MYBBP1A: variants seen among roughly 807,000 people sequenced by gnomAD.
MYBBP1A encodes myb-binding protein 1A.
Under a neutral mutation model 136.3 loss-of-function variants are expected in MYBBP1A, and 147 were observed. The observed-to-expected ratio is 1.08, with a 90% CI of 0.94 to 1.24. The LOEUF (loss-of-function observed/expected upper bound fraction) is 1.24, where lower values mean the gene tolerates loss of function less well. Ranked by LOEUF, MYBBP1A falls within the 50% of genes most tolerant of loss-of-function variation. The pLI is 0.00. For missense variants in MYBBP1A, 2,060 were observed against 1,727.4 expected (o/e 1.19, Z -3.41); for synonymous variants, 947 against 735.8 (o/e 1.29, Z -4.65).
In MYBBP1A at chr17:4,545,680, T is replaced by G. The variant is rs1344636313; in HGVS notation, c.2003A>C (p.Gln668Pro). ...LLAQPSHLMRQVARSVFGHIC... is the reference protein window; with the variant it reads ...LLAQPSHLMRPVARSVFGHIC... ...GTGGCCAAACACGCTCCGGGCCACC[T>G]GGCGCATGAGGTGGCTGGGCTGGGC... Residue 668 changes from glutamine (Q) to proline (P), a missense_variant, in exon 15 of 26, where the codon CAG (glutamine) becomes CCG (proline). Gln to Pro is a moderately conservative substitution (Grantham distance 76, BLOSUM62 -1). Coordinates refer to ENST00000254718, the MANE Select transcript of MYBBP1A (RefSeq NM_014520.4). 1.2e-6 allele frequency: 2 copies of G among 1,611,410 alleles called. No individual in the cohort carries two copies. The highest frequency in any genetic ancestry group is 1.7e-6 in the Non-Finnish European group (2 of 1,178,452).
In MYBBP1A at chr17:4,555,205, C is replaced by T. The variant is rs1466613156; in HGVS notation, c.120G>A (p.Trp40Ter). ...KHSREFLDFF[W>*]DIAKPEQETR... ...TCTCCTGCTCAGGCTTCGCAATGTC[C>T]CAGAAGAAGTCCAAGAACTCGCGAC... Residue 40 changes from tryptophan (W) to a stop codon, truncating the protein, a stop_gained, in exon 1 of 26, where the codon TGG becomes TGA. Coordinates refer to ENST00000254718, the MANE Select transcript of MYBBP1A (RefSeq NM_014520.4). LOFTEE classifies it high-confidence loss of function. 3 of 1,610,954 alleles carry T rather than the reference C, an allele frequency of 1.9e-6. No homozygotes were observed. The highest frequency in any genetic ancestry group is 1.7e-5 in the Admixed American group (1 of 59,670).
chr17:4,539,441 G>T lies in MYBBP1A; in HGVS notation c.3961C>A (p.Gln1321Lys). The part of the protein sequence containing the change: ...LLQSGAKKKA[Q>K]VRKAGKP ...CAGGGCTTCCCTGCCTTCCTCACCT[G>T]TGCTTTCTTCTTGGCCCCACTCTGA... Residue 1321 changes from glutamine to lysine, a missense_variant, in exon 26 of 26, where the codon CAG becomes AAG. Gln to Lys is a moderately conservative substitution (Grantham distance 53). Transcript: ENST00000254718. 1 of 1,613,714 alleles carries T rather than the reference G, an allele frequency of 6.2e-7. No individual in the cohort carries two copies.
chr17:4,544,586 G>C lies in MYBBP1A; in HGVS notation c.2542C>G (p.Leu848Val). 6.3e-7 allele frequency: 1 copy of C among 1,579,706 alleles called. No individual in the cohort carries two copies. The highest frequency in any genetic ancestry group is 1.3e-5 in the African/African-American group (1 of 74,142). The change falls in exon 19 of 26, where the codon CTG (leucine) becomes GTG (valine). Residue 848 changes from leucine (L) to valine (V), a missense_variant. Transcript: ENST00000254718. Reference sequence around the variant, plus strand: ...ATGATGCTCAGCAGCGGCTCCAGCAGCTCCAGGACCAGGGCATTCTCGGGC... The same window carrying C: ...ATGATGCTCAGCAGCGGCTCCAGCACCTCCAGGACCAGGGCATTCTCGGGC... ...KQPENALVLE[L>V]LEPLLSIIRR... is the part of the protein sequence containing the mutation.
rs147849966 is a variant in MYBBP1A at position 4,540,382 on chromosome 17, G to T, written c.3400C>A (p.Leu1134Ile). The change falls in exon 25 of 26, where the codon CTC (leucine) becomes ATC (isoleucine). Residue 1134 changes from leucine (L) to isoleucine (I), a missense_variant. By Grantham distance (5) the Leu-to-Ile change is conservative. Coordinates refer to ENST00000254718, the MANE Select transcript of MYBBP1A (RefSeq NM_014520.4). ...AGGGTTTTCATGGCCTGCCAGTAGA[G>T]GTCGTGCAGGCGGCTGGAGCCGGTG... ...HSTGSSRLHD[L>I]YWQAMKTLGV... is the part of the protein sequence containing the mutation. 2.0e-5 allele frequency: 32 copies of T among 1,609,772 alleles called. No homozygotes were observed. The African/African-American group carries it at 3.6e-4, about 18-fold the overall frequency.
intron 5 of MYBBP1A, among the ~76,000 whole-genome samples, chr17:4,553,144 CT>C (rs988975264): frequency 1.3e-5 from 2 of 152,130 alleles, no homozygotes; most frequent in Non-Finnish European, 2.9e-5. Flanking sequence ...TTAATTATTC[CT>C]TTTTTTGGTA....
chr17:4,548,362 C>T lies in MYBBP1A; in HGVS notation c.1557-52G>A, dbSNP rs751227508. The stretch of plus-strand genomic sequence containing the variant: ...AGCAGACCAGATGAGTCAATGTAGC[C>T]GCCTCCCTCCGCCCTCCCCAGGGCT... On this transcript the variant is annotated intron_variant, in intron 11 of 25. Coordinates refer to ENST00000254718, the MANE Select transcript of MYBBP1A (RefSeq NM_014520.4). The surrounding 1 kb of genome is among the most constrained non-coding windows in gnomAD (Gnocchi z 4.2). 18 of 1,602,998 alleles carry T rather than the reference C, an allele frequency of 1.1e-5. No homozygotes were observed. Among genetic ancestry groups the T allele is most frequent in the Middle Eastern group, 3.4e-4 (2 of 5,964 alleles).
chr17:4,547,861 C>T, intron 13 of MYBBP1A, 97 bp downstream of exon 13: 1 of 1,106,684 alleles, frequency 9.0e-7, no homozygotes, highest in Non-Finnish European at 1.2e-6. Context: ...CAGAACCTTT[C>T]CTGGAAACCC....
rs1249368743 is a variant in MYBBP1A at position 4,544,802 on chromosome 17, C to T, written c.2430G>A (p.Glu810=). 1.9e-6 allele frequency: 3 copies of T among 1,600,508 alleles called. No homozygotes were observed. The Admixed American group carries it at 5.1e-5, about 27-fold the overall frequency. The change falls in exon 18 of 26, where the codon GAG becomes GAA. Residue 810 remains glutamate, a synonymous_variant. Coordinates refer to ENST00000254718, the MANE Select transcript of MYBBP1A (RefSeq NM_014520.4). ...QKLRIQARRD[E]KNKLQKEKAL... ...CCTTCTCCTTCTGCAGCTTGTTCTT[C>T]TCGTCTCGCCGGGCCTGGATACGCA...
chr17:4,552,298 G>C lies in MYBBP1A; in HGVS notation c.738-6C>G. 1 of 1,613,846 alleles carries C rather than the reference G, an allele frequency of 6.2e-7. No individual in the cohort carries two copies. The highest frequency in any genetic ancestry group is 1.1e-5 in the South Asian group (1 of 91,086). Reference sequence around the variant, plus strand: ...TCTTCAGCACATTCACCAGCCTGCGGAGGGCAAGGGACTCAGGGAACACTT... The same window carrying C: ...TCTTCAGCACATTCACCAGCCTGCGCAGGGCAAGGGACTCAGGGAACACTT... On this transcript the variant is annotated splice_polypyrimidine_tract_variant and splice_region_variant and intron_variant, in intron 6 of 25. Transcript: ENST00000254718. This position sits in a 1 kb window ranked among gnomAD's most constrained non-coding sequence, Gnocchi z 4.7.
chr17:4,539,518 A>C lies in MYBBP1A; in HGVS notation c.3884T>G (p.Leu1295Arg). The C allele has an allele frequency of 6.2e-7, 1 of 1,614,070 alleles. No individual in the cohort carries two copies. The highest frequency in any genetic ancestry group is 8.5e-7 in the Non-Finnish European group (1 of 1,180,006). The part of the protein sequence containing the change: ...GVLGKSPLSA[L>R]ARKKARLSLV... Reference sequence around the variant, plus strand: ...AGACAGCCTTGCCTTTTTCCGTGCCAGCGCGGACAGTGGTGATTTGCCCAA... The same window carrying C: ...AGACAGCCTTGCCTTTTTCCGTGCCCGCGCGGACAGTGGTGATTTGCCCAA... The change falls in exon 26 of 26, where the codon CTG (leucine) becomes CGG (arginine). Residue 1295 changes from leucine (L) to arginine (R), a missense_variant. Transcript: ENST00000254718.
rs772538419 is a variant in MYBBP1A at position 4,548,088 on chromosome 17, T to C, written c.1725-31A>G. On this transcript the variant is annotated intron_variant, in intron 12 of 25. Transcript: ENST00000254718. The surrounding 1 kb of genome is among the most constrained non-coding windows in gnomAD (Gnocchi z 4.2). ...GGGAGACAGGCGATTCCCAGGCCCC[T>C]GCACCAGTCAGACTGCAGCGTCCTG... 1.9e-6 allele frequency: 3 copies of C among 1,600,332 alleles called. No individual in the cohort carries two copies. The highest frequency in any genetic ancestry group is 1.7e-5 in the Admixed American group (1 of 59,678).
chr17:4,543,680 C>T (rs1015193736), intron 19 of MYBBP1A, among the ~76,000 whole-genome samples: 4 of 152,034 alleles, frequency 2.6e-5, no homozygotes, highest in Non-Finnish European at 4.4e-5. Flanking sequence ...ACTCCCCACC[C>T]CTCCTGACTA....
In MYBBP1A at chr17:4,539,068, TG is replaced by T; in HGVS notation, c.*346del. On this transcript the variant is annotated 3_prime_UTR_variant, in exon 26 of 26. Transcript: ENST00000254718. The stretch of plus-strand genomic sequence containing the variant: ...GTGGCTCCCTCACAGCAAAAAAGCC[TG>T]GGGGCAAAGAGGTGGCAGGCACGAG... The T allele has an allele frequency of 3.0e-6, 4 of 1,321,312 alleles. No individual in the cohort carries two copies. The highest frequency in any genetic ancestry group is 2.2e-6 in the Non-Finnish European group (2 of 921,184). 81.8% of individuals were successfully genotyped at this position (1,321,312 alleles called of 1,614,324 possible).
At chr17:4,545,586 C>G (rs764018798) in intron 15 of MYBBP1A, 24 bp downstream of exon 15, 1 of 1,555,684 alleles carries the variant, frequency 6.4e-7, no homozygotes, top group African/African-American at 1.4e-5. Context: ...AGCCCACATT[C>G]CACTCCCAAA....
In MYBBP1A at chr17:4,543,088, C is replaced by T. The variant is rs139594461; in HGVS notation, c.2717G>A (p.Arg906Gln). 7.4e-4 allele frequency: 1,195 copies of T among 1,613,152 alleles called. 1 individual carries two copies. The highest frequency in any genetic ancestry group is 9.1e-4 in the Non-Finnish European group (1,071 of 1,179,920). The change falls in exon 20 of 26, where the codon CGG (arginine) becomes CAG (glutamine). Residue 906 changes from arginine to glutamine, a missense_variant. Transcript: ENST00000254718. ...RAGALHAQVE[R>Q]LVQQAGRQPD... ...CTGGCGGCCAGCCTGCTGCACCAAC[C>T]GCTCCACCTGGGCGTGCAGGGCCCC...
chr17:4,554,773 C>T (rs1422807343), intron 2 of MYBBP1A, 88 bp downstream of exon 2: 12 of 1,310,308 alleles, frequency 9.2e-6, no homozygotes, highest in Non-Finnish European at 1.2e-5. Context: ...GCTGCCCCTC[C>T]GCCACAGCTG....
rs62066360 is a variant in MYBBP1A, at chr17:4,541,790, G to A, written c.3189C>T (p.Val1063=). The change falls in exon 23 of 26, where the codon GTC becomes GTT. Residue 1063 remains valine, a synonymous_variant. Coordinates refer to ENST00000254718, the MANE Select transcript of MYBBP1A (RefSeq NM_014520.4). ...KQLMGQVLAK[V]TENLRVLGEA... ...GGCGCCCCCCGGCTGTTACCTCGGT[G>A]ACCTTTGCTAGGACCTGGCCCATCA... 0.033 allele frequency: 53,124 copies of A among 1,613,714 alleles called. 1,061 individuals carry two copies. The highest frequency in any genetic ancestry group is 0.054 in the Middle Eastern group (330 of 6,062).
intron 24 of MYBBP1A, among the ~76,000 whole-genome samples, 155 bp downstream of exon 24, chr17:4,541,308 A>AT (rs1389398152): frequency 6.6e-6 from 1 of 152,230 alleles, no homozygotes. Flanking sequence ...GTAACTGCCC[A>AT]AATGGCAGCC....
chr17:4,552,919 C>T lies in MYBBP1A; in HGVS notation c.562-293G>A, dbSNP rs1302879423. Among the ~76,000 whole-genome samples the T allele has an allele frequency of 2.0e-5, 3 of 151,906 alleles. No individual in the cohort carries two copies. The highest frequency in any genetic ancestry group is 4.4e-5 in the Non-Finnish European group (3 of 67,968). ...TGTGATCTTGGCTCACTGCAACCTC[C>T]GCCTCCCAGGTTGAAGCAATTCTCC... On this transcript the variant is annotated intron_variant, in intron 5 of 25. Coordinates refer to ENST00000254718, the MANE Select transcript of MYBBP1A (RefSeq NM_014520.4). This position sits in a 1 kb window ranked among gnomAD's most constrained non-coding sequence, Gnocchi z 4.7.
Sources: gnomAD v4.1 joint callset for allele counts (sites outside exome capture counted in the v4.1 genomes callset) on GRCh38, gnomAD v4.1.1 for gene constraint, Gnocchi (gnomAD v3.1) non-coding constraint, MANE v1.5 for transcripts, NCBI Gene and HGNC (gene_info 2026-07-23, HGNC 2026-07-21) for gene names.